Variants in SLC49A4 observed in about 807,000 individuals in gnomAD.
SLC49A4 encodes disrupted in renal cancer protein 2.
In SLC49A4, 36 loss-of-function variants were observed where a neutral mutation model predicts 50.6. That is an observed-to-expected ratio of 0.71 (90% CI 0.55 to 0.94). The LOEUF (loss-of-function observed/expected upper bound fraction) is 0.94, where lower values mean the gene tolerates loss of function less well. Ranked by LOEUF, SLC49A4 falls within the 40% of genes least tolerant of loss-of-function variation. The probability of loss-of-function intolerance (pLI) is 0.00; values close to 1 mark genes in which losing one functional copy is unlikely to be tolerated. For synonymous variants in SLC49A4, 248 were observed against 241.2 expected, an observed-to-expected ratio of 1.03 and a Z score of -0.26; for missense variants, 503 against 605.7, an observed-to-expected ratio of 0.83 and a Z score of 1.78.
intron 7 of SLC49A4, among the ~76,000 whole-genome samples, chr3:122,870,897 G>C (rs1176387994): frequency 1.3e-5 from 2 of 151,766 alleles, no homozygotes; most frequent in Non-Finnish European, 2.9e-5. Flanking sequence ...GAAGCCACCA[G>C]TGATATTCCA....
In SLC49A4 at chr3:122,837,832, C is replaced by G. The variant is rs898498784; in HGVS notation, c.833+4386C>G. ...ACTTATCTGACAAAGGGCTAATATC[C>G]AGAATCTACAATGAACTCAAACAAA... On this transcript the variant is annotated intron_variant, in intron 4 of 8. Transcript: ENST00000261038. Among the ~76,000 whole-genome samples, 12 of 152,168 alleles carry G rather than the reference C, an allele frequency of 7.9e-5. 1 individual carries two copies. The South Asian group carries it at 1.2e-3, about 16-fold the overall frequency.
At chr3:122,875,371 G>T (rs1249983605) in intron 8 of SLC49A4, among the ~76,000 whole-genome samples, 1 of 152,042 alleles carries the variant, frequency 6.6e-6, no homozygotes, top group South Asian at 2.1e-4. Context: ...GGGTGGGGGA[G>T]ACAGGGTCTT....
intron 2 of SLC49A4, 121 bp downstream of exon 2, chr3:122,807,071 T>C (rs1264426800): frequency 3.6e-6 from 2 of 549,426 alleles, no homozygotes; most frequent in Admixed American, 7.5e-5. Flanking sequence ...TATATGATGA[T>C]TAATTTAATT....
intron 5 of SLC49A4, among the ~76,000 whole-genome samples, chr3:122,853,006 T>C (rs1455583339): frequency 1.3e-5 from 2 of 152,228 alleles, no homozygotes; most frequent in Non-Finnish European, 2.9e-5. Context: ...AATTACCTAG[T>C]GTACGTGTCT....
At chr3:122,859,951 C>A in intron 6 of SLC49A4, 124 bp from the exon 7 acceptor site, 4 of 912,794 alleles carry the variant, frequency 4.4e-6, no homozygotes, top group Non-Finnish European at 6.1e-6. Context: ...TAAAAAAACA[C>A]TGAAAACTGT....
intron 7 of SLC49A4, among the ~76,000 whole-genome samples, chr3:122,870,976 C>G (rs559291503): frequency 6.6e-6 from 1 of 152,064 alleles, no homozygotes; most frequent in Non-Finnish European, 1.5e-5. Context: ...TTTATTTGAT[C>G]TACATCTAGC....
At chr3:122,795,678 T>TGGG in intron 1 of SLC49A4, 143 bp downstream of exon 1, 1 of 1,399,088 alleles carries the variant, frequency 7.1e-7, no homozygotes, top group Non-Finnish European at 9.2e-7. Context: ...ATTCCATTTC[T>TGGG]GACTTAGGAA....
intron 1 of SLC49A4, among the ~76,000 whole-genome samples, chr3:122,805,015 A>G (rs1387024811): frequency 1.3e-5 from 2 of 152,164 alleles, no homozygotes; most frequent in East Asian, 3.8e-4. Context: ...AAAAAAATAA[A>G]TATCATGTAG....
At chr3:122,872,730 A>C in intron 8 of SLC49A4, 133 bp downstream of exon 8, 1 of 598,132 alleles carries the variant, frequency 1.7e-6, no homozygotes, top group South Asian at 2.8e-5. Flanking sequence ...ATTGCCAGTA[A>C]AAGAAAAATT....
chr3:122,821,811 T>C (rs1383069548), intron 2 of SLC49A4, among the ~76,000 whole-genome samples: 1 of 152,220 alleles, frequency 6.6e-6, no homozygotes, highest in Non-Finnish European at 1.5e-5. Context: ...TGGCCTTGCT[T>C]TTAAAGCACC....
intron 5 of SLC49A4, among the ~76,000 whole-genome samples, chr3:122,854,615 C>T (rs1240485377): frequency 6.6e-6 from 1 of 152,182 alleles, no homozygotes; most frequent in Non-Finnish European, 1.5e-5. Flanking sequence ...AGGCATACAC[C>T]TTCTTCCAAG....
rs1399359568 is a variant in SLC49A4 at position 122,845,713 on chromosome 3, T to C, written c.834-50T>C. On this transcript the variant is annotated intron_variant, in intron 4 of 8. Transcript: ENST00000261038. ...CATACATTTTTCATGACTAAGTTTA[T>C]TCTAGATTTTTAATTTGTTACAATG... The C allele has an allele frequency of 2.6e-6, 3 of 1,133,808 alleles. No homozygotes were observed. The African/African-American group carries it at 4.8e-5, about 18-fold the overall frequency. The allele number at this position is 1,133,808 out of a possible 1,614,324, so 70.2% of individuals were successfully genotyped here.
chr3:122,860,457 T>C (rs1937047423), intron 7 of SLC49A4, among the ~76,000 whole-genome samples: 2 of 152,356 alleles, frequency 1.3e-5, no homozygotes, highest in South Asian at 2.1e-4. Flanking sequence ...GAAATGCTTA[T>C]ATTTGTTTAA....
At chr3:122,819,142 G>A (rs1936417264) in intron 2 of SLC49A4, among the ~76,000 whole-genome samples, 1 of 151,570 alleles carries the variant, frequency 6.6e-6, no homozygotes, top group Non-Finnish European at 1.5e-5. Flanking sequence ...CTACTTGAGA[G>A]GCTGAAGTGG....
At chr3:122,799,139 A>C (rs1936094567) in intron 1 of SLC49A4, among the ~76,000 whole-genome samples, 1 of 152,206 alleles carries the variant, frequency 6.6e-6, no homozygotes, top group South Asian at 2.1e-4. Flanking sequence ...CACTGGGGAC[A>C]TGGCCCTCAC....
intron 6 of SLC49A4, among the ~76,000 whole-genome samples, chr3:122,859,794 G>C (rs925374252): frequency 6.6e-6 from 1 of 152,114 alleles, no homozygotes; most frequent in Non-Finnish European, 1.5e-5. Context: ...ACTCCAGCCA[G>C]GCAATGGTGA....
chr3:122,801,552 G>A (rs905936199), intron 1 of SLC49A4, among the ~76,000 whole-genome samples: 13 of 152,094 alleles, frequency 8.5e-5, no homozygotes, highest in East Asian at 1.9e-4. Flanking sequence ...GATCGAGATC[G>A]CGCCATTACA....
chr3:122,841,878 A>G (rs1388210217), intron 4 of SLC49A4, among the ~76,000 whole-genome samples: 4 of 152,236 alleles, frequency 2.6e-5, no homozygotes, highest in Non-Finnish European at 5.9e-5. Flanking sequence ...CTCTGGGTAC[A>G]GTAAAAAGTT....
intron 7 of SLC49A4, among the ~76,000 whole-genome samples, chr3:122,870,297 GT>G (rs1195075709): frequency 6.6e-6 from 1 of 151,678 alleles, no homozygotes; most frequent in Non-Finnish European, 1.5e-5. Context: ...GCTCATCAAG[GT>G]TTTGGTCAAT....
Sources: allele counts gnomAD v4.1 joint callset (sites outside exome capture counted in the v4.1 genomes callset), GRCh38; gene constraint gnomAD v4.1.1; transcripts MANE v1.5; gene names NCBI Gene and HGNC (gene_info 2026-07-23, HGNC 2026-07-21).